Variants in RASGRP2 observed in about 807,000 individuals in gnomAD.
The protein encoded by RASGRP2 is RAS guanyl releasing protein 2.
Under a neutral mutation model 71.0 loss-of-function variants are expected in RASGRP2, and 44 were observed. That is an observed-to-expected ratio of 0.62 (90% CI 0.49 to 0.80). RASGRP2 has a LOEUF of 0.80. Ranked by LOEUF, RASGRP2 falls within the 30% of genes least tolerant of loss-of-function variation. The pLI, the probability that RASGRP2 is intolerant of heterozygous loss-of-function variation, is 0.00. For synonymous variants in RASGRP2, 350 were observed against 330.7 expected, an observed-to-expected ratio of 1.06 and a Z score of -0.63; for missense variants, 663 against 813.4, an observed-to-expected ratio of 0.82 and a Z score of 2.25.
At position 64,729,649 on chromosome 11, in the gene RASGRP2, T is replaced by C. The variant is rs1029006010; in HGVS notation, c.1591+113A>G. The C allele has an allele frequency of 4.4e-6, 6 of 1,359,338 alleles. No individual in the cohort carries two copies. The African/African-American group carries it at 8.7e-5, about 20-fold the overall frequency. 84.2% of individuals were successfully genotyped at this position (1,359,338 alleles called of 1,614,324 possible). A position where few individuals can be genotyped will look rare whatever the true frequency, so the allele number is the denominator to read the frequency against. On this transcript the variant is annotated intron_variant, in intron 14 of 16. Transcript: ENST00000394432. ...ACCATGCCCGGCCATGCGCCTCTGATTTTAAGGTACTTCACTCCTTGGCAA... is the reference window on the plus strand; with the variant it reads ...ACCATGCCCGGCCATGCGCCTCTGACTTTAAGGTACTTCACTCCTTGGCAA...
Position 64,735,234 on chromosome 11 carries a change from C to A in RASGRP2, c.1297-7G>T. 1 of 1,607,538 alleles carries A rather than the reference C, an allele frequency of 6.2e-7. No individual in the cohort carries two copies. Among genetic ancestry groups the A allele is most frequent in the African/African-American group, 1.3e-5 (1 of 74,900 alleles). On this transcript the variant is annotated splice_region_variant and splice_polypyrimidine_tract_variant and intron_variant, in intron 11 of 16. Coordinates refer to ENST00000394432, the MANE Select transcript of RASGRP2 (RefSeq NM_001098671.2). This position sits in a 1 kb window ranked among gnomAD's most constrained non-coding sequence, Gnocchi z 4.2. ...CAAAGTTCCGGAACACAGACTGGGG[C>A]ACGCAGAGGGACACGCAGAGCCAGA...
At position 64,742,132 on chromosome 11, in the gene RASGRP2, G is replaced by C. The variant is rs1452984726; in HGVS notation, c.74-20C>G. 6 of 1,559,342 alleles carry C rather than the reference G, an allele frequency of 3.8e-6. No homozygotes were observed. The African/African-American group carries it at 8.2e-5, about 21-fold the overall frequency. On this transcript the variant is annotated intron_variant, in intron 2 of 16. Coordinates refer to ENST00000394432, the MANE Select transcript of RASGRP2 (RefSeq NM_001098671.2). This position sits in a 1 kb window ranked among gnomAD's most constrained non-coding sequence, Gnocchi z 4.7. Reference sequence around the variant, plus strand: ...AGTCATCTGACTCCGAAGGGTCAAAGACAGGTGGCTGAGCTGGGTCCGCAG... The same window carrying C: ...AGTCATCTGACTCCGAAGGGTCAAACACAGGTGGCTGAGCTGGGTCCGCAG...
rs147876510 is a variant in RASGRP2 at position 64,729,026 on chromosome 11, G to A, written c.1608C>T (p.Cys536=). The A allele has an allele frequency of 2.7e-5, 43 of 1,599,866 alleles. No individual in the cohort carries two copies. The highest frequency in any genetic ancestry group is 3.4e-5 in the Non-Finnish European group (40 of 1,177,646). Residue 536 remains cysteine (C), a synonymous_variant, in exon 15 of 17, where the codon TGC becomes TGT. Coordinates refer to ENST00000394432, the MANE Select transcript of RASGRP2 (RefSeq NM_001098671.2). ...ACAGGCGATCCTTGCACTGCTTGTG[G>A]CAGTTCACTCCACAGGCTGGGGGAG... ...GLKCRACGVN[C]HKQCKDRLSV...
intron 16 of RASGRP2, 69 bp from the exon 17 acceptor site, chr11:64,727,200 G>A (rs1022812006): frequency 2.6e-5 from 28 of 1,088,438 alleles, no homozygotes; most frequent in Non-Finnish European, 3.8e-5. Context: ...CACCTGGCTT[G>A]GAGCCATTTG....
upstream of RASGRP2, chr11:64,744,250 C>T (rs1459573699): frequency 1.0e-6 from 1 of 985,654 alleles, no homozygotes; most frequent in Non-Finnish European, 1.2e-6. Flanking sequence ...GCCCTGCGGC[C>T]CCAGCTCCCT....
chr11:64,739,516 A>C lies in RASGRP2; in HGVS notation c.697-40T>G. 1 of 1,609,218 alleles carries C rather than the reference A, an allele frequency of 6.2e-7. No homozygotes were observed. The highest frequency in any genetic ancestry group is 8.5e-7 in the Non-Finnish European group (1 of 1,175,656). ...GGGACGGAGAGGCAGGGAGTCACTGAGTGGGCCCAGAATTTGGCCCAGCTT... is the reference window on the plus strand; with the variant it reads ...GGGACGGAGAGGCAGGGAGTCACTGCGTGGGCCCAGAATTTGGCCCAGCTT... On this transcript the variant is annotated intron_variant, in intron 7 of 16. Transcript: ENST00000394432. This position sits in a 1 kb window ranked among gnomAD's most constrained non-coding sequence, Gnocchi z 4.2.
Position 64,743,183 on chromosome 11 carries a change from G to A in RASGRP2, c.-71-246C>T, listed in dbSNP as rs1424434281. The A allele has an allele frequency of 1.7e-6, 1 of 577,326 alleles. No individual in the cohort carries two copies. Among genetic ancestry groups the A allele is most frequent in the Admixed American group, 2.2e-5 (1 of 45,900 alleles). 35.8% of individuals were successfully genotyped at this position (577,326 alleles called of 1,614,324 possible). ...GAAGGCCGAGGGGCTTCACGAGGAT[G>A]GGGACGAACCAAGATCCCAGGACTG... is the stretch of plus-strand genomic sequence containing the variant. On this transcript the variant is annotated intron_variant, in intron 1 of 16. Transcript: ENST00000394432. The surrounding 1 kb of genome is among the most constrained non-coding windows in gnomAD (Gnocchi z 4.9).
At chr11:64,740,797 G>T in intron 5 of RASGRP2, 151 bp downstream of exon 5, 1 of 988,626 alleles carries the variant, frequency 1.0e-6, no homozygotes. Flanking sequence ...CTGCCCAGAG[G>T]AGGCATGTTG....
chr11:64,736,056 G>A, intron 9 of RASGRP2, 76 bp from the exon 10 acceptor site: 2 of 1,206,408 alleles, frequency 1.7e-6, no homozygotes, highest in South Asian at 2.5e-5. Context: ...GGTCGACCTA[G>A]AGGCCACAGC....
chr11:64,741,202 T>C, intron 4 of RASGRP2, 123 bp from the exon 5 acceptor site: 1 of 1,300,914 alleles, frequency 7.7e-7, no homozygotes, highest in African/African-American at 1.5e-5. Flanking sequence ...TTCCAGCTCT[T>C]TCCTTCGCCA....
rs756181570 is a variant in RASGRP2, at chr11:64,735,509, C to T, written c.1296+33G>A. 1.9e-6 allele frequency: 3 copies of T among 1,613,476 alleles called. 1 individual carries two copies. In the South Asian group the frequency reaches 3.3e-5, roughly 18 times the overall value. On this transcript the variant is annotated intron_variant, in intron 11 of 16. Transcript: ENST00000394432. This position sits in a 1 kb window ranked among gnomAD's most constrained non-coding sequence, Gnocchi z 4.2. ...CAGTGCTCCGGCAAACTGGCCTCTC[C>T]CCACACACTGCTCAGGCTCCGCAGG... is the stretch of plus-strand genomic sequence containing the variant.
chr11:64,729,505 T>G (rs917709184), intron 14 of RASGRP2, among the ~76,000 whole-genome samples: 2 of 152,056 alleles, frequency 1.3e-5, no homozygotes, highest in Admixed American at 1.3e-4. Flanking sequence ...CCCAGCTACT[T>G]TTTGTATTTT....
At chr11:64,738,522 C>T (rs192972530) in intron 8 of RASGRP2, among the ~76,000 whole-genome samples, 8 of 152,144 alleles carry the variant, frequency 5.3e-5, no homozygotes, top group African/African-American at 1.2e-4. Flanking sequence ...CTGCAACCTC[C>T]GCCTCCTGAG....
At chr11:64,744,899 C>T (rs1200815518), upstream of RASGRP2, 1 of 145,696 alleles carries the variant, frequency 6.9e-6, no homozygotes, top group African/African-American at 2.5e-5. Context: ...CAGGCTGCCC[C>T]CTCCCCCCTC....
intron 5 of RASGRP2, 155 bp downstream of exon 5, chr11:64,740,793 A>G: frequency 1.0e-6 from 1 of 965,256 alleles, no homozygotes; most frequent in Non-Finnish European, 1.6e-6. Context: ...CAAGCTGCCC[A>G]GAGGAGGCAT....
chr11:64,734,476 T>C (rs568734959), intron 12 of RASGRP2, among the ~76,000 whole-genome samples: 64 of 152,126 alleles, frequency 4.2e-4, no homozygotes, highest in African/African-American at 1.5e-3. Context: ...TTTAAACATT[T>C]TGTTCACTAT....
chr11:64,740,807 G>T, intron 5 of RASGRP2, 141 bp downstream of exon 5: 1 of 1,128,664 alleles, frequency 8.9e-7, no homozygotes, highest in Non-Finnish European at 1.3e-6. Flanking sequence ...GAGGCATGTT[G>T]AAGGCAATAG....
rs780576158 is a variant in RASGRP2 at position 64,729,721 on chromosome 11, A to AAG, written c.1591+40_1591+41insCT. The AAG allele has an allele frequency of 2.0e-4, 323 of 1,610,516 alleles. 4 individuals are homozygous for AAG. In the Middle Eastern group the frequency reaches 8.4e-3, roughly 42 times the overall value. On this transcript the variant is annotated intron_variant, in intron 14 of 16. Coordinates refer to ENST00000394432, the MANE Select transcript of RASGRP2 (RefSeq NM_001098671.2). ...TCTCCCAAACAAACAAACAAAAAAAAAAAACACTGCCCAGCAGCCCTTCCA... is the reference window on the plus strand; with the variant it reads ...TCTCCCAAACAAACAAACAAAAAAAAAGAAAACACTGCCCAGCAGCCCTTCCA...
chr11:64,742,491 G>T lies in RASGRP2; in HGVS notation c.73+303C>A, dbSNP rs981532706. 1 of 573,414 alleles carries T rather than the reference G, an allele frequency of 1.7e-6. No individual in the cohort carries two copies. Among genetic ancestry groups the T allele is most frequent in the Non-Finnish European group, 3.1e-6 (1 of 320,148 alleles). The allele number at this position is 573,414 out of a possible 1,614,324, so 35.5% of individuals were successfully genotyped here. A position where few individuals can be genotyped will look rare whatever the true frequency, so the allele number is the denominator to read the frequency against. On this transcript the variant is annotated intron_variant, in intron 2 of 16. Transcript: ENST00000394432. The surrounding 1 kb of genome is among the most constrained non-coding windows in gnomAD (Gnocchi z 4.7). Reference sequence around the variant, plus strand: ...TTAGCCGGAAACAGCTCCCAGGCCGGAGATAGCGAGTTCCTCCGGATTCCC... The same window carrying T: ...TTAGCCGGAAACAGCTCCCAGGCCGTAGATAGCGAGTTCCTCCGGATTCCC...
Sources: gnomAD v4.1 joint callset for allele counts (sites outside exome capture counted in the v4.1 genomes callset) on GRCh38, gnomAD v4.1.1 for gene constraint, Gnocchi (gnomAD v3.1) non-coding constraint, MANE v1.5 for transcripts, NCBI Gene and HGNC (gene_info 2026-07-23, HGNC 2026-07-21) for gene names.